The following VSIG10 variants were observed in gnomAD, a reference collection of about 807,000 sequenced individuals.
VSIG10 encodes the protein V-set and immunoglobulin domain-containing protein 10.
In VSIG10, 48 loss-of-function variants were observed where a neutral mutation model predicts 58.7. That is an observed-to-expected ratio of 0.82 (90% CI 0.65 to 1.04). The LOEUF is 1.04. Ranked by LOEUF, VSIG10 falls within the 50% of genes least tolerant of loss-of-function variation. The pLI is 0.00. For synonymous variants in VSIG10, 260 were observed against 267.1 expected (o/e 0.97, Z 0.26); for missense variants, 628 against 670.0 (o/e 0.94, Z 0.69).
At chr12:118,077,721 G>T (rs945081591) in intron 4 of VSIG10, among the ~76,000 whole-genome samples, 2 of 152,202 alleles carry the variant, frequency 1.3e-5, no homozygotes, top group Non-Finnish European at 2.9e-5. Flanking sequence ...TGCTCTGAGG[G>T]AAGCCATCTG....
chr12:118,089,196 G>A (rs886433461), intron 2 of VSIG10, among the ~76,000 whole-genome samples: 2 of 151,898 alleles, frequency 1.3e-5, no homozygotes, highest in African/African-American at 4.8e-5. Context: ...TGATCCACCC[G>A]CCTCAGCCTC....
chr12:118,079,961 G>T (rs1728060317), intron 3 of VSIG10, among the ~76,000 whole-genome samples: 1 of 152,172 alleles, frequency 6.6e-6, no homozygotes, highest in Admixed American at 6.5e-5. Flanking sequence ...AGCCTCCCAA[G>T]TAGCTGGGAT....
chr12:118,082,841 G>A (rs574513073), intron 2 of VSIG10, among the ~76,000 whole-genome samples: 36 of 151,624 alleles, frequency 2.4e-4, no homozygotes, highest in African/African-American at 8.0e-4. Context: ...GGGCCAGCGC[G>A]GTGGCTCATG....
rs748688193 is a variant in VSIG10, at chr12:118,095,758, T to C, written c.136A>G (p.Asn46Asp). ...ACCTGGCCCCTCAGTCCCGAGATGT[T>C]GCCACAGTGCAGAGTAACATTCTCA... ...VHENVTLHCG[N>D]ISGLRGQVTW... is the part of the protein sequence containing the mutation. Residue 46 changes from asparagine (N) to aspartate (D), a missense_variant, in exon 2 of 9, where the codon AAC becomes GAC. Asn to Asp is a conservative substitution (Grantham distance 23). Transcript: ENST00000359236. The C allele has an allele frequency of 5.0e-6, 8 of 1,613,368 alleles. No homozygotes were observed. Among genetic ancestry groups the C allele is most frequent in the Non-Finnish European group, 5.1e-6 (6 of 1,179,652 alleles).
chr12:118,080,776 A>G (rs1297515619), intron 3 of VSIG10, among the ~76,000 whole-genome samples: 1 of 152,168 alleles, frequency 6.6e-6, no homozygotes, highest in East Asian at 1.9e-4. Context: ...CAGACACAAA[A>G]AGCCCCACAT....
Position 118,095,443 on chromosome 12 carries a change from G to T in VSIG10, c.361+90C>A. ...GCCCAGAATGATTTCCAGGCCATCC[G>T]AACCCAAAACCCATATTCCTGACCA... On this transcript the variant is annotated intron_variant, in intron 2 of 8. Coordinates refer to ENST00000359236, the MANE Select transcript of VSIG10 (RefSeq NM_019086.6). 6.6e-7 allele frequency: 1 copy of T among 1,521,752 alleles called. No individual in the cohort carries two copies. 94.3% of individuals were successfully genotyped at this position (1,521,752 alleles called of 1,614,324 possible).
rs1369081700 is a variant in VSIG10 at position 118,103,652 on chromosome 12, G to A, written c.20C>T (p.Ala7Val). The A allele has an allele frequency of 1.3e-6, 2 of 1,501,756 alleles. No individual in the cohort carries two copies. The highest frequency in any genetic ancestry group is 8.8e-7 in the Non-Finnish European group (1 of 1,130,982). 93.0% of individuals were successfully genotyped at this position (1,501,756 alleles called of 1,614,324 possible). A position where few individuals can be genotyped will look rare whatever the true frequency, so the allele number is the denominator to read the frequency against. Residue 7 changes from alanine to valine, a missense_variant, in exon 1 of 9, where the codon GCG (alanine) becomes GTG (valine). Coordinates refer to ENST00000359236, the MANE Select transcript of VSIG10 (RefSeq NM_019086.6). MAAGGSAPEPRVLVCLG... is the reference protein window; with the variant it reads MAAGGSVPEPRVLVCLG... The stretch of plus-strand genomic sequence containing the variant: ...GCAGACGAGGACGCGGGGCTCGGGC[G>A]CACTGCCGCCTGCGGCCATCTCGCC...
At chr12:118,068,045 T>TC (rs1555270294) in intron 8 of VSIG10, among the ~76,000 whole-genome samples, 1,573 of 141,246 alleles carry the variant, frequency 0.011, 23 homozygotes, top group Middle Eastern at 0.025. Context: ...TTTTTTTTTT[T>TC]CTGAGGCAGG....
intron 1 of VSIG10, among the ~76,000 whole-genome samples, chr12:118,098,855 C>G (rs1312879508): frequency 6.6e-6 from 1 of 151,042 alleles, no homozygotes; most frequent in Non-Finnish European, 1.5e-5. Flanking sequence ...AGCAGCAGCC[C>G]TTTGTGTTTT....
rs1278993364 is a variant in VSIG10, at chr12:118,103,726, T to G, written c.-55A>C. 2.1e-6 allele frequency: 3 copies of G among 1,400,890 alleles called. No individual in the cohort carries two copies. The highest frequency in any genetic ancestry group is 2.8e-6 in the Non-Finnish European group (3 of 1,081,416). The allele number at this position is 1,400,890 out of a possible 1,614,324, so 86.8% of individuals were successfully genotyped here. A position where few individuals can be genotyped will look rare whatever the true frequency, so the allele number is the denominator to read the frequency against. ...AGGCTCGGGCTGGGCTGGACGTGTGTGCCCCAGGGCCCCGGGGCCCGGGGT... is the reference window on the plus strand; with the variant it reads ...AGGCTCGGGCTGGGCTGGACGTGTGGGCCCCAGGGCCCCGGGGCCCGGGGT... On this transcript the variant is annotated 5_prime_UTR_variant, in exon 1 of 9. Coordinates refer to ENST00000359236, the MANE Select transcript of VSIG10 (RefSeq NM_019086.6).
In VSIG10 at chr12:118,082,270, C is replaced by A; in HGVS notation, c.521G>T (p.Ser174Ile). ...EWWFQALNSSSESFGHNLTVN... is the reference protein window; with the variant it reads ...EWWFQALNSSIESFGHNLTVN... The stretch of plus-strand genomic sequence containing the variant: ...TGTCAGGTTGTGGCCAAAGGACTCG[C>A]TGCTGGAATTCAGGGCCTGGAACCA... Residue 174 changes from serine (S) to isoleucine (I), a missense_variant, in exon 3 of 9, where the codon AGC becomes ATC. By Grantham distance (142) the Ser-to-Ile change is moderately radical. Transcript: ENST00000359236. The A allele has an allele frequency of 6.2e-7, 1 of 1,613,954 alleles. No individual in the cohort carries two copies. The highest frequency in any genetic ancestry group is 8.5e-7 in the Non-Finnish European group (1 of 1,179,900).
chr12:118,072,968 A>T (rs1195455600), intron 5 of VSIG10, among the ~76,000 whole-genome samples: 1 of 152,122 alleles, frequency 6.6e-6, no homozygotes, highest in African/African-American at 2.4e-5. Flanking sequence ...CTGTTTTTAA[A>T]GTTCTATTGC....
intron 1 of VSIG10, among the ~76,000 whole-genome samples, chr12:118,101,345 AT>A (rs1305958141): frequency 6.6e-6 from 1 of 152,192 alleles, no homozygotes; most frequent in Non-Finnish European, 1.5e-5. Context: ...GAAAATTGAG[AT>A]TTAGGAAGAT....
rs751058552 is a variant in VSIG10, at chr12:118,082,115, C to T, written c.664+12G>A. 5 of 1,608,756 alleles carry T rather than the reference C, an allele frequency of 3.1e-6. No homozygotes were observed. The highest frequency in any genetic ancestry group is 2.7e-5 in the African/African-American group (2 of 74,658). On this transcript the variant is annotated intron_variant, in intron 3 of 8. Transcript: ENST00000359236. ...GGGGAAGAAGCGGGGCAGAGGAGTG[C>T]TGCTTACGCACAGTAGACCAGGAGC...
In VSIG10 at chr12:118,078,222, G is replaced by C. The variant is rs532622032; in HGVS notation, c.925+1124C>G. On this transcript the variant is annotated intron_variant, in intron 4 of 8. Transcript: ENST00000359236. ...CGCCCAGGCTGGAGTGCAGTGGTGC[G>C]ATCTCGGCTCACTGGAAGCTCCGCC... is the stretch of plus-strand genomic sequence containing the variant. Among the ~76,000 whole-genome samples, 36 of 152,278 alleles carry C rather than the reference G, an allele frequency of 2.4e-4. No individual in the cohort carries two copies. In the South Asian group the frequency reaches 3.5e-3, roughly 15 times the overall value.
chr12:118,067,113 T>C (rs1481034467), intron 8 of VSIG10, among the ~76,000 whole-genome samples: 1 of 151,408 alleles, frequency 6.6e-6, no homozygotes, highest in East Asian at 2.0e-4. Flanking sequence ...CAGCCTCAAC[T>C]TCCCAGGCTC....
chr12:118,069,418 T>A (rs1291950781), intron 7 of VSIG10, among the ~76,000 whole-genome samples: 2 of 119,088 alleles, frequency 1.7e-5, no homozygotes, highest in East Asian at 5.3e-4. Context: ...TTCTTCTTCT[T>A]CTTCTTCTTT....
At chr12:118,098,633 C>G (rs1182171586) in intron 1 of VSIG10, among the ~76,000 whole-genome samples, 2 of 152,116 alleles carry the variant, frequency 1.3e-5, no homozygotes, top group Admixed American at 1.3e-4. Context: ...AGAAAGGGCT[C>G]CTAAGTCCAA....
At chr12:118,084,552 T>C (rs1403848143) in intron 2 of VSIG10, among the ~76,000 whole-genome samples, 1 of 152,122 alleles carries the variant, frequency 6.6e-6, no homozygotes, top group Non-Finnish European at 1.5e-5. Context: ...CCCAGAGATC[T>C]GCAGGCTCCT....
Sources: allele counts gnomAD v4.1 joint callset (sites outside exome capture counted in the v4.1 genomes callset), GRCh38; gene constraint gnomAD v4.1.1; transcripts MANE v1.5; gene names NCBI Gene and HGNC (gene_info 2026-07-23, HGNC 2026-07-21).